Variants in ELAC2 observed in about 807,000 individuals in gnomAD.
The protein encoded by ELAC2 is zinc phosphodiesterase ELAC protein 2.
ELAC2 carries 92 observed loss-of-function variants against 105.2 expected under a neutral mutation model. The observed-to-expected ratio is 0.87, with a 90% CI of 0.74 to 1.04. ELAC2 has a LOEUF of 1.04. Among genes scored for constraint, ELAC2 ranks in the 50% least tolerant of loss-of-function variants. ELAC2 has a pLI of 0.00. For missense variants in ELAC2, 1,099 were observed against 1,071.7 expected (o/e 1.03, Z -0.36); for synonymous variants, 468 against 409.1 (o/e 1.14, Z -1.74).
intron 23 of ELAC2, 53 bp downstream of exon 23, chr17:12,993,634 G>T: frequency 6.2e-7 from 1 of 1,612,634 alleles, no homozygotes; most frequent in Non-Finnish European, 8.5e-7. Flanking sequence ...AGTGTGTAGA[G>T]TCCTGTCTCC....
intron 1 of ELAC2, chr17:13,017,438 G>C: frequency 1.5e-6 from 1 of 677,372 alleles, no homozygotes; most frequent in Non-Finnish European, 2.5e-6. Flanking sequence ...AGAGGGTGGA[G>C]CTCCGAAAGT....
At chr17:12,998,334 T>C (rs2040575706) in intron 16 of ELAC2, 78 bp downstream of exon 16, 4 of 1,362,674 alleles carry the variant, frequency 2.9e-6, no homozygotes, top group Admixed American at 3.4e-5. Flanking sequence ...TCAAATCGAC[T>C]GGTGAGTACA....
At chr17:13,015,906 T>C in intron 3 of ELAC2, 74 bp from the exon 4 acceptor site, 1 of 1,109,664 alleles carries the variant, frequency 9.0e-7, no homozygotes. Context: ...CACCCCGTAC[T>C]AATCCAACTA....
Position 12,992,459 on chromosome 17 carries a change from A to C in ELAC2, c.*359T>G. 2.3e-6 allele frequency: 1 copy of C among 427,556 alleles called. No homozygotes were observed. Among genetic ancestry groups the C allele is most frequent in the Non-Finnish European group, 4.3e-6 (1 of 231,408 alleles). 26.5% of individuals were successfully genotyped at this position (427,556 alleles called of 1,614,324 possible). A position where few individuals can be genotyped will look rare whatever the true frequency, so the allele number is the denominator to read the frequency against. The stretch of plus-strand genomic sequence containing the variant: ...AAGTCTCGGACACTTAGACCCACTG[A>C]TCCTGTTACTCTGCTTGTCTCTGGT... On this transcript the variant is annotated 3_prime_UTR_variant, in exon 24 of 24. Transcript: ENST00000338034.
At chr17:12,996,151 A>C in intron 17 of ELAC2, 173 bp from the exon 18 acceptor site, 1 of 773,694 alleles carries the variant, frequency 1.3e-6, no homozygotes, top group Non-Finnish European at 2.2e-6. Flanking sequence ...TGGCCCTGAA[A>C]TGTCACAGGC....
chr17:13,014,586 T>C (rs1215200202), intron 4 of ELAC2, 90 bp from the exon 5 acceptor site: 1 of 939,962 alleles, frequency 1.1e-6, no homozygotes. Context: ...CCAATAGGTA[T>C]CAACATAAAA....
intron 12 of ELAC2, among the ~76,000 whole-genome samples, chr17:13,003,188 C>T (rs73298515): frequency 7.6e-4 from 116 of 152,348 alleles, no homozygotes; most frequent in African/African-American, 2.6e-3. Flanking sequence ...CTTTGGAATT[C>T]ACTTATGGAA....
chr17:12,995,617 G>A lies in ELAC2; in HGVS notation c.1808+86C>T, dbSNP rs2286339. 2,900 of 1,319,330 alleles carry A rather than the reference G, an allele frequency of 2.2e-3. 56 individuals are homozygous for A. The East Asian group carries it at 0.047, about 21-fold the overall frequency. 81.7% of individuals were successfully genotyped at this position (1,319,330 alleles called of 1,614,324 possible). A position where few individuals can be genotyped will look rare whatever the true frequency, so the allele number is the denominator to read the frequency against. On this transcript the variant is annotated intron_variant, in intron 19 of 23. Transcript: ENST00000338034. ...AGGGCAAGGCTGCTGGGGGATATTG[G>A]TAACTACCCCAGTGTCCACCTTGAG... is the stretch of plus-strand genomic sequence containing the variant.
At chr17:12,993,107 T>C in intron 23 of ELAC2, 62 bp from the exon 24 acceptor site, 3 of 1,521,758 alleles carry the variant, frequency 2.0e-6, no homozygotes, top group South Asian at 1.1e-5. Context: ...GGACAGGAGC[T>C]GGAAGGGATG....
At chr17:12,998,585 ATGGTTTGAGTGTCAT>A (rs2040593358) in intron 15 of ELAC2, 77 bp from the exon 16 acceptor site, 1 of 1,333,490 alleles carries the variant, frequency 7.5e-7, no homozygotes, top group African/African-American at 1.4e-5. Flanking sequence ...AGAAGGTGCA[ATGGTTTGAGTGTCAT>A]TGGTTTGTCC....
At chr17:12,995,094 T>G in intron 19 of ELAC2, 32 bp from the exon 20 acceptor site, 1 of 1,610,098 alleles carries the variant, frequency 6.2e-7, no homozygotes, top group Non-Finnish European at 8.5e-7. Context: ...AAAATGATAA[T>G]AAACGTTTCT....
At position 12,993,799 on chromosome 17, in the gene ELAC2, C is replaced by A. The variant is rs775181613; in HGVS notation, c.2141G>T (p.Arg714Leu). 6.2e-7 allele frequency: 1 copy of A among 1,614,030 alleles called. No individual in the cohort carries two copies. Among genetic ancestry groups the A allele is most frequent in the African/African-American group, 1.3e-5 (1 of 74,896 alleles). Residue 714 changes from arginine (R) to leucine (L), a missense_variant, in exon 23 of 24, where the codon CGG becomes CTG. Transcript: ENST00000338034. Reference sequence around the variant, plus strand: ...CAGCATAATGAACTCCGCGTTCATCCGCATCCCCACGCTGATGGCTTGGGA... The same window carrying A: ...CAGCATAATGAACTCCGCGTTCATCAGCATCCCCACGCTGATGGCTTGGGA... Reference protein sequence around the residue: ...TTSQAISVGMRMNAEFIMLNH... With the variant: ...TTSQAISVGMLMNAEFIMLNH...
Position 12,993,806 on chromosome 17 carries a change from C to G in ELAC2, c.2134G>C (p.Gly712Arg). ...ATGAACTCCGCGTTCATCCGCATCC[C>G]CACGCTGATGGCTTGGGACGTTGTG... is the stretch of plus-strand genomic sequence containing the variant. ...HSTTSQAISV[G>R]MRMNAEFIML... Residue 712 changes from glycine (G) to arginine (R), a missense_variant, in exon 23 of 24, where the codon GGG (glycine) becomes CGG (arginine). Physicochemically the swap from Gly to Arg is moderately radical, Grantham distance 125. Transcript: ENST00000338034. 1.2e-6 allele frequency: 2 copies of G among 1,614,196 alleles called. No homozygotes were observed. Among genetic ancestry groups the G allele is most frequent in the Non-Finnish European group, 1.7e-6 (2 of 1,180,042 alleles).
At chr17:13,000,084 A>G (rs2040696044) in intron 15 of ELAC2, 72 bp downstream of exon 15, 2 of 1,438,776 alleles carry the variant, frequency 1.4e-6, no homozygotes. Context: ...CCAGCACTCC[A>G]CTTAATGCTA....
rs758303382 is a variant in ELAC2, at chr17:13,014,481, C to T, written c.448G>A (p.Ala150Thr). The change falls in exon 5 of 24, where the codon GCA becomes ACA. Residue 150 changes from alanine to threonine, a missense_variant. Coordinates refer to ENST00000338034, the MANE Select transcript of ELAC2 (RefSeq NM_018127.7). The stretch of plus-strand genomic sequence containing the variant: ...AATGGACCAGAAAATATTTTGATTG[C>T]TTCGAGGTATTTTTCCTAATGAAAA... ...GPPQLEKYLE[A>T]IKIFSGPLKG... 1.2e-6 allele frequency: 2 copies of T among 1,613,452 alleles called. No individual in the cohort carries two copies.
intron 15 of ELAC2, among the ~76,000 whole-genome samples, chr17:12,999,357 G>A (rs1042075385): frequency 1.3e-5 from 2 of 152,228 alleles, no homozygotes; most frequent in Non-Finnish European, 2.9e-5. Context: ...TCCCAAGGGG[G>A]AAACAGGCTC....
chr17:12,994,913 A>AGCTCT, intron 20 of ELAC2, 29 bp from the exon 21 acceptor site: 1 of 1,614,108 alleles, frequency 6.2e-7, no homozygotes, highest in Non-Finnish European at 8.5e-7. Flanking sequence ...AGGGCTCTGC[A>AGCTCT]GCTCTGCTCC....
Position 13,015,823 on chromosome 17 carries a change from A to C in ELAC2, c.377T>G (p.Leu126Arg). Residue 126 changes from leucine (L) to arginine (R), a missense_variant, in exon 4 of 24, where the codon CTT becomes CGT. Coordinates refer to ENST00000338034, the MANE Select transcript of ELAC2 (RefSeq NM_018127.7). ...SNVGGLSGMI[L>R]TLKETGLPKC... ...TGGAAGCCCGGTTTCCTTTAAAGTA[A>C]GAATCATTCCTAAAAAGGATGCATA... 1.9e-6 allele frequency: 3 copies of C among 1,614,046 alleles called. No homozygotes were observed. The highest frequency in any genetic ancestry group is 2.5e-6 in the Non-Finnish European group (3 of 1,179,890).
chr17:12,996,555 G>T lies in ELAC2; in HGVS notation c.1651C>A (p.His551Asn), dbSNP rs1487812489. 1.2e-6 allele frequency: 2 copies of T among 1,613,974 alleles called. No homozygotes were observed. Among genetic ancestry groups the T allele is most frequent in the East Asian group, 4.5e-5 (2 of 44,876 alleles). ...TCCAGCCCAACACTCACCGTGTGGT[G>T]ATCTGCGTGCAGGTGGGACACAAAC... Reference protein sequence around the residue: ...AVFVSHLHADHHTGLPSILLQ... With the variant: ...AVFVSHLHADNHTGLPSILLQ... The change falls in exon 17 of 24, where the codon CAC becomes AAC. Residue 551 changes from histidine (H) to asparagine (N), a missense_variant. Coordinates refer to ENST00000338034, the MANE Select transcript of ELAC2 (RefSeq NM_018127.7).
Sources: allele counts gnomAD v4.1 joint callset (sites outside exome capture counted in the v4.1 genomes callset), GRCh38; gene constraint gnomAD v4.1.1; transcripts MANE v1.5; gene names NCBI Gene and HGNC (gene_info 2026-07-23, HGNC 2026-07-21).